LRRC37A2: variants seen among roughly 807,000 people sequenced by gnomAD.
LRRC37A2 encodes the protein leucine rich repeat containing 37 member A2.
In LRRC37A2, 9 loss-of-function variants were observed where a neutral mutation model predicts 68.8. The ratio of observed to expected loss-of-function variants is 0.13; its 90% CI spans 0.08 to 0.23. LRRC37A2 has a LOEUF of 0.23. Ranked by LOEUF, LRRC37A2 falls within the 10% of genes least tolerant of loss-of-function variation. LRRC37A2 has a pLI of 1.00. For synonymous variants in LRRC37A2, 63 were observed against 367.6 expected, an observed-to-expected ratio of 0.17 and a Z score of 9.48; for missense variants, 168 against 950.4, an observed-to-expected ratio of 0.18 and a Z score of 10.82.
At chr17:46,899,834 T>C in the LRRC37A2 span, among the ~76,000 whole-genome samples, 2 of 152,088 alleles carry the variant, frequency 1.3e-5, no homozygotes. Context: ...AGCAGGTTGA[T>C]TGCTGTTGTA....
At chr17:46,728,948 A>G in the LRRC37A2 span, 1 of 1,441,996 alleles carries the variant, frequency 6.9e-7, no homozygotes, top group Non-Finnish European at 9.7e-7. Context: ...AAATAATACT[A>G]CTAATAAGGA....
the LRRC37A2 span, chr17:47,017,964 C>T: frequency 6.5e-7 from 1 of 1,549,514 alleles, no homozygotes; most frequent in South Asian, 1.1e-5. Flanking sequence ...TTCTTCAATG[C>T]AGCAGGAGGC....
At chr17:46,392,425 CTT>C in the LRRC37A2 span, among the ~76,000 whole-genome samples, 1 of 51,434 alleles carries the variant, frequency 1.9e-5, no homozygotes, top group African/African-American at 6.6e-5. Flanking sequence ...CTCTCTCTTT[CTT>C]TCTCTCTTTC....
the LRRC37A2 span, among the ~76,000 whole-genome samples, chr17:46,758,428 C>T: frequency 4.6e-5 from 7 of 152,202 alleles, no homozygotes; most frequent in African/African-American, 1.2e-4. Flanking sequence ...TACAGCAGAG[C>T]GTATGAGATT....
the LRRC37A2 span, among the ~76,000 whole-genome samples, chr17:46,602,692 A>G: frequency 7.0e-6 from 1 of 142,322 alleles, no homozygotes; most frequent in Non-Finnish European, 1.5e-5. Context: ...GAAACTACCA[A>G]TTATCACTAA....
At chr17:46,846,145 T>C in the LRRC37A2 span, among the ~76,000 whole-genome samples, 1 of 152,212 alleles carries the variant, frequency 6.6e-6, no homozygotes, top group Non-Finnish European at 1.5e-5. Flanking sequence ...TACCTATAAC[T>C]ACTAGACAGA....
the LRRC37A2 span, among the ~76,000 whole-genome samples, chr17:46,863,296 C>T: frequency 6.6e-6 from 1 of 152,218 alleles, no homozygotes; most frequent in African/African-American, 2.4e-5. Flanking sequence ...AACTGCACTC[C>T]TTGCGTGGGG....
the LRRC37A2 span, among the ~76,000 whole-genome samples, chr17:46,901,067 T>C: frequency 6.6e-6 from 1 of 152,208 alleles, no homozygotes; most frequent in Non-Finnish European, 1.5e-5. Flanking sequence ...TCTGAAAAAC[T>C]GGTTTCTGAG....
chr17:46,947,495 C>T, the LRRC37A2 span, among the ~76,000 whole-genome samples: 2 of 152,152 alleles, frequency 1.3e-5, no homozygotes, highest in Non-Finnish European at 2.9e-5. Context: ...GAGAAGCTGT[C>T]AGGCTGGTGT....
the LRRC37A2 span, among the ~76,000 whole-genome samples, chr17:46,902,124 TG>T: frequency 2.0e-5 from 3 of 152,196 alleles, no homozygotes; most frequent in South Asian, 6.2e-4. Context: ...TCTTTACCAC[TG>T]GGATTCCTTC....
the LRRC37A2 span, among the ~76,000 whole-genome samples, chr17:46,721,194 T>TC: frequency 6.6e-6 from 1 of 152,222 alleles, no homozygotes; most frequent in African/African-American, 2.4e-5. Flanking sequence ...GGGTTGTCTC[T>TC]CATACCCCTC....
the LRRC37A2 span, chr17:46,721,541 G>A: frequency 2.6e-6 from 3 of 1,169,454 alleles, no homozygotes; most frequent in Non-Finnish European, 1.3e-6. Context: ...TTCTTTTTCT[G>A]TGTGTGTGTG....
At chr17:46,879,251 G>A in the LRRC37A2 span, among the ~76,000 whole-genome samples, 1 of 152,112 alleles carries the variant, frequency 6.6e-6, no homozygotes, top group Non-Finnish European at 1.5e-5. Flanking sequence ...TGACCTGACC[G>A]GGTCCCCCAC....
the LRRC37A2 span, among the ~76,000 whole-genome samples, chr17:46,995,287 C>T: frequency 2.6e-5 from 4 of 152,262 alleles, no homozygotes; most frequent in African/African-American, 9.6e-5. Context: ...TGGCTACAGC[C>T]GAGCCCCCTG....
chr17:46,832,272 A>G, the LRRC37A2 span, among the ~76,000 whole-genome samples: 1 of 151,874 alleles, frequency 6.6e-6, no homozygotes, highest in African/African-American at 2.4e-5. Context: ...GACCCCTCGG[A>G]GCCCCCACCC....
chr17:46,740,291 A>G, the LRRC37A2 span, among the ~76,000 whole-genome samples: 1 of 152,204 alleles, frequency 6.6e-6, no homozygotes, highest in Non-Finnish European at 1.5e-5. Flanking sequence ...CTGTAGGGTT[A>G]AATGAGGGCA....
the LRRC37A2 span, among the ~76,000 whole-genome samples, chr17:46,479,754 G>A: frequency 1.9e-5 from 2 of 104,134 alleles, no homozygotes; most frequent in East Asian, 4.9e-4. Flanking sequence ...TGATCCGCCC[G>A]CCTCAGCCTC....
chr17:46,827,026 C>T, the LRRC37A2 span, among the ~76,000 whole-genome samples: 1 of 152,210 alleles, frequency 6.6e-6, no homozygotes, highest in Admixed American at 6.5e-5. Flanking sequence ...ATCCACCCAC[C>T]TCAGCTTCCC....
the LRRC37A2 span, among the ~76,000 whole-genome samples, chr17:46,944,413 C>T: frequency 2.0e-5 from 3 of 152,176 alleles, no homozygotes; most frequent in Non-Finnish European, 4.4e-5. Flanking sequence ...TCCCACGTCC[C>T]TTTCTGGGGT....
Sources: allele counts gnomAD v4.1 joint callset (sites outside exome capture counted in the v4.1 genomes callset), GRCh38; gene constraint gnomAD v4.1.1; transcripts MANE v1.5; gene names NCBI Gene and HGNC (gene_info 2026-07-23, HGNC 2026-07-21).